LMTK2: variants seen among roughly 807,000 people sequenced by gnomAD.
LMTK2 encodes the protein serine/threonine-protein kinase LMTK2.
LMTK2 carries 37 observed loss-of-function variants against 127.5 expected under a neutral mutation model. The ratio of observed to expected loss-of-function variants is 0.29; its 90% confidence interval spans 0.22 to 0.38. The LOEUF (loss-of-function observed/expected upper bound fraction) is 0.38. LMTK2 is among the 10% of genes least tolerant of loss of function. The pLI is 1.00. For missense variants in LMTK2, 1,694 were observed against 1,920.3 expected (o/e 0.88, Z 2.20); for synonymous variants, 819 against 810.1 (o/e 1.01, Z -0.19).
At chr7:98,177,906 G>A (rs956879976) in intron 7 of LMTK2, among the ~76,000 whole-genome samples, 3 of 152,182 alleles carry the variant, frequency 2.0e-5, no homozygotes, top group East Asian at 3.9e-4. Flanking sequence ...ATCCTCTCCT[G>A]GTACGTCTCC....
chr7:98,135,052 T>G (rs779133159), intron 1 of LMTK2, among the ~76,000 whole-genome samples: 4 of 152,228 alleles, frequency 2.6e-5, no homozygotes, highest in Non-Finnish European at 5.9e-5. Context: ...TGTTTCAGCA[T>G]TGCTTTCACA....
rs371329023 is a variant in LMTK2 at position 98,114,474 on chromosome 7, G to A, written c.103+7194G>A. Among the ~76,000 whole-genome samples the A allele has an allele frequency of 1.6e-4, 24 of 152,078 alleles. No homozygotes were observed. The South Asian group carries it at 5.0e-3, about 32-fold the overall frequency. ...TGCCCAGGCTGGTCTCAAACTCCTG[G>A]ACTCAAGTGATCCTCCCACCTCAGC... On this transcript the variant is annotated intron_variant, in intron 1 of 13. Coordinates refer to ENST00000297293, the MANE Select transcript of LMTK2 (RefSeq NM_014916.4).
chr7:98,197,410 A>G (rs1797639595), intron 11 of LMTK2, among the ~76,000 whole-genome samples: 1 of 152,234 alleles, frequency 6.6e-6, no homozygotes. Context: ...GCACCTTTAC[A>G]ATCTGCAGCC....
Position 98,194,560 on chromosome 7 carries a change from C to T in LMTK2, c.4095C>T (p.Tyr1365=). Residue 1365 remains tyrosine, a synonymous_variant, in exon 11 of 14, where the codon TAC becomes TAT. Coordinates refer to ENST00000297293, the MANE Select transcript of LMTK2 (RefSeq NM_014916.4). This position sits in a 1 kb window ranked among gnomAD's most constrained non-coding sequence, Gnocchi z 5.4. The stretch of plus-strand genomic sequence containing the variant: ...CGTTTTTCGATGATGTCACAGTCTA[C>T]CTGTTTGACCAGGTATCTGTTCCCT... ...AVTFFDDVTV[Y]LFDQETPTKE... 1 of 1,604,476 alleles carries T rather than the reference C, an allele frequency of 6.2e-7. No individual in the cohort carries two copies. Among genetic ancestry groups the T allele is most frequent in the African/African-American group, 1.3e-5 (1 of 74,994 alleles).
At chr7:98,195,836 A>G (rs1035114905) in intron 11 of LMTK2, among the ~76,000 whole-genome samples, 5 of 152,288 alleles carry the variant, frequency 3.3e-5, no homozygotes, top group Middle Eastern at 3.4e-3. Flanking sequence ...TTCTTTAAAA[A>G]TCGTTAAATC....
chr7:98,205,214 G>T (rs1447059961), intron 13 of LMTK2, among the ~76,000 whole-genome samples: 3 of 152,242 alleles, frequency 2.0e-5, no homozygotes, highest in Non-Finnish European at 4.4e-5. Flanking sequence ...CGGGGCAGAT[G>T]TGTGGATCCC....
At position 98,193,266 on chromosome 7, in the gene LMTK2, A is replaced by G; in HGVS notation, c.2801A>G (p.His934Arg). 1.2e-6 allele frequency: 2 copies of G among 1,613,830 alleles called. No homozygotes were observed. The highest frequency in any genetic ancestry group is 1.7e-6 in the Non-Finnish European group (2 of 1,180,042). The change falls in exon 11 of 14, where the codon CAT (histidine) becomes CGT (arginine). Residue 934 changes from histidine (H) to arginine (R), a missense_variant. His to Arg is a conservative substitution (Grantham distance 29, BLOSUM62 0). Transcript: ENST00000297293. The surrounding 1 kb of genome is among the most constrained non-coding windows in gnomAD (Gnocchi z 4.1). ...CACAATAAACCATTTTCGGAAGACC[A>G]TCACAGTCATCGCCGGCTAGAGAAA... ...ELHNKPFSED[H>R]HSHRRLEKNL...
chr7:98,146,322 C>T (rs1796772036), intron 3 of LMTK2, among the ~76,000 whole-genome samples: 2 of 152,104 alleles, frequency 1.3e-5, no homozygotes, highest in Non-Finnish European at 2.9e-5. Flanking sequence ...TCTTACAATT[C>T]CAACTGAATG....
chr7:98,194,682 T>C lies in LMTK2; in HGVS notation c.4107+110T>C. On this transcript the variant is annotated intron_variant, in intron 11 of 13. Transcript: ENST00000297293. This position sits in a 1 kb window ranked among gnomAD's most constrained non-coding sequence, Gnocchi z 5.4. ...CTAGTTGCCATTTTGAGGCAGCAGA[T>C]TGTGATTACTCACAAAAAGTAATTT... is the stretch of plus-strand genomic sequence containing the variant. The C allele has an allele frequency of 1.0e-6, 1 of 995,620 alleles. No individual in the cohort carries two copies. The highest frequency in any genetic ancestry group is 2.6e-5 in the East Asian group (1 of 38,094). The allele number at this position is 995,620 out of a possible 1,614,324, so 61.7% of individuals were successfully genotyped here.
At chr7:98,169,905 C>T (rs945296456) in intron 6 of LMTK2, among the ~76,000 whole-genome samples, 2 of 152,296 alleles carry the variant, frequency 1.3e-5, no homozygotes, top group Non-Finnish European at 2.9e-5. Flanking sequence ...GTATGAAGGA[C>T]AGCAATGCCA....
intron 1 of LMTK2, among the ~76,000 whole-genome samples, chr7:98,129,295 C>G (rs533392713): frequency 3.3e-5 from 5 of 152,148 alleles, no homozygotes; most frequent in Non-Finnish European, 5.9e-5. Context: ...TTTTGAACTC[C>G]TGAGCTCAAG....
At chr7:98,191,523 G>C in intron 10 of LMTK2, 91 bp from the exon 11 acceptor site, 1 of 1,071,454 alleles carries the variant, frequency 9.3e-7, no homozygotes, top group South Asian at 1.7e-5. Flanking sequence ...CTGCACTCCA[G>C]ACTGGGTGAC....
rs748954347 is a variant in LMTK2 at position 98,171,715 on chromosome 7, G to A, written c.791+41G>A. ...AGCGGTGCACGCCCCACACAGCACC[G>A]GCGGGACAGTCCAGAGAGGCTGCCG... On this transcript the variant is annotated intron_variant, in intron 7 of 13. Coordinates refer to ENST00000297293, the MANE Select transcript of LMTK2 (RefSeq NM_014916.4). The surrounding 1 kb of genome is among the most constrained non-coding windows in gnomAD (Gnocchi z 5.1). The A allele has an allele frequency of 2.6e-6, 4 of 1,518,958 alleles. No individual in the cohort carries two copies. The highest frequency in any genetic ancestry group is 1.3e-5 in the South Asian group (1 of 76,272). The allele number at this position is 1,518,958 out of a possible 1,614,324, so 94.1% of individuals were successfully genotyped here.
At chr7:98,198,272 C>A (rs1371757648) in intron 11 of LMTK2, among the ~76,000 whole-genome samples, 6 of 151,470 alleles carry the variant, frequency 4.0e-5, no homozygotes, top group Non-Finnish European at 7.4e-5. Context: ...CTCACTGCAA[C>A]CTCCGCCTCC....
intron 1 of LMTK2, among the ~76,000 whole-genome samples, chr7:98,108,024 G>A (rs1796141918): frequency 6.6e-6 from 1 of 151,902 alleles, no homozygotes; most frequent in African/African-American, 2.4e-5. Flanking sequence ...CCCAAGTTGG[G>A]TCATTTTTCT....
At chr7:98,149,055 C>G (rs1325078686) in intron 3 of LMTK2, among the ~76,000 whole-genome samples, 1 of 152,250 alleles carries the variant, frequency 6.6e-6, no homozygotes, top group African/African-American at 2.4e-5. Context: ...AGCTTGTTCT[C>G]ATTTGCCTTT....
At position 98,190,841 on chromosome 7, in the gene LMTK2, C is replaced by G. The variant is rs762884747; in HGVS notation, c.1112C>G (p.Pro371Arg). 2.5e-6 allele frequency: 4 copies of G among 1,614,132 alleles called. No individual in the cohort carries two copies. The Admixed American group carries it at 5.0e-5, about 20-fold the overall frequency. Residue 371 changes from proline to arginine, a missense_variant, in exon 10 of 14, where the codon CCG becomes CGG. By Grantham distance (103) the Pro-to-Arg change is moderately radical. Around this residue, in one of 8 missense-constraint regions of LMTK2, gnomAD observed 216 missense variants for 266.8 expected, o/e 0.81. Coordinates refer to ENST00000297293, the MANE Select transcript of LMTK2 (RefSeq NM_014916.4). ...QVIRERDTKL[P>R]KPQLEQPYSD... is the part of the protein sequence containing the mutation. ...ATTAGAGAGAGAGACACAAAACTCC[C>G]GAAGCCCCAGCTGGAGCAGCCCTAC... is the stretch of plus-strand genomic sequence containing the variant.
chr7:98,140,126 CTTTCTTTCTTTCTTTCTTTTCT>C lies in LMTK2; in HGVS notation c.232-1263_232-1242del, dbSNP rs1289127588. Among the ~76,000 whole-genome samples, 68 of 12,034 alleles carry C rather than the reference CTTTCTTTCTTTCTTTCTTTTCT, an allele frequency of 5.7e-3. 1 individual carries two copies. The highest frequency in any genetic ancestry group is 9.4e-3 in the African/African-American group (62 of 6,582). 7.9% of individuals were successfully genotyped at this position (12,034 alleles called of 152,430 possible). ...TCTTTCTTTCTTTCTTTCTTTCTTTCTTTCTTTCTTTCTTTCTTTTCTTTTCTTTTCTTTTCTTTTCTTTTCT... is the reference window on the plus strand; with the variant it reads ...TCTTTCTTTCTTTCTTTCTTTCTTTCTTTCTTTTCTTTTCTTTTCTTTTCT... On this transcript the variant is annotated intron_variant, in intron 2 of 13. Transcript: ENST00000297293.
intron 7 of LMTK2, among the ~76,000 whole-genome samples, chr7:98,176,925 C>T (rs1003162658): frequency 4.6e-5 from 7 of 152,186 alleles, no homozygotes; most frequent in Non-Finnish European, 8.8e-5. Context: ...TGCTGGTTTT[C>T]CCGTCTGTGT....
Sources: gnomAD v4.1 joint callset for allele counts (sites outside exome capture counted in the v4.1 genomes callset) on GRCh38, gnomAD v4.1.1 for gene constraint, gnomAD v4.1.1 regional missense constraint, Gnocchi (gnomAD v3.1) non-coding constraint, MANE v1.5 for transcripts, NCBI Gene and HGNC (gene_info 2026-07-23, HGNC 2026-07-21) for gene names.